The following PTPRT variants were observed in gnomAD, a reference collection of about 807,000 sequenced individuals.
The protein encoded by PTPRT is protein tyrosine phosphatase receptor type T.
Under a neutral mutation model 176.8 loss-of-function variants are expected in PTPRT, and 56 were observed. That is an observed-to-expected ratio of 0.32 (90% confidence interval 0.26 to 0.40). The LOEUF is 0.40. Ranked by LOEUF, PTPRT falls within the 10% of genes least tolerant of loss-of-function variation. The pLI is 1.00. For missense variants in PTPRT, 1,540 were observed against 1,908.2 expected (o/e 0.81, Z 3.60); for synonymous variants, 783 against 739.0 (o/e 1.06, Z -0.96).
intron 1 of PTPRT, among the ~76,000 whole-genome samples, chr20:42,965,073 A>G (rs536452768): frequency 6.6e-6 from 1 of 152,376 alleles, no homozygotes; most frequent in East Asian, 1.9e-4. Flanking sequence ...ATAAAAGTAA[A>G]TAAGTAAACT....
At chr20:42,840,526 C>T (rs1274445238) in intron 2 of PTPRT, among the ~76,000 whole-genome samples, 2 of 152,230 alleles carry the variant, frequency 1.3e-5, no homozygotes, top group East Asian at 3.9e-4. Flanking sequence ...AATTCTCCTG[C>T]GTCAGCCTCC....
intron 7 of PTPRT, among the ~76,000 whole-genome samples, chr20:42,539,903 A>C (rs1298417861): frequency 3.3e-5 from 5 of 151,916 alleles, no homozygotes; most frequent in African/African-American, 1.2e-4. Context: ...TGTGGGTATT[A>C]CAGAACCAAT....
intron 1 of PTPRT, among the ~76,000 whole-genome samples, chr20:43,129,284 G>GC: frequency 6.6e-6 from 1 of 152,264 alleles, no homozygotes; most frequent in Middle Eastern, 3.4e-3. Flanking sequence ...CAGGACCACC[G>GC]CCTGTGATCC....
chr20:42,928,829 C>G (rs972765830), intron 1 of PTPRT, among the ~76,000 whole-genome samples: 2 of 152,190 alleles, frequency 1.3e-5, no homozygotes, highest in African/African-American at 4.8e-5. Context: ...AACACAAAAA[C>G]CTGTCCCCAA....
chr20:42,528,634 G>A (rs942275597), intron 7 of PTPRT, among the ~76,000 whole-genome samples: 4 of 152,022 alleles, frequency 2.6e-5, no homozygotes, highest in African/African-American at 9.7e-5. Context: ...AATTCCAAGT[G>A]TCAGCCTCAG....
At chr20:42,731,180 C>T (rs2076454669) in intron 6 of PTPRT, among the ~76,000 whole-genome samples, 2 of 152,226 alleles carry the variant, frequency 1.3e-5, no homozygotes, top group Non-Finnish European at 2.9e-5. Flanking sequence ...CCAGATTCCT[C>T]TATGGTTCCA....
intron 1 of PTPRT, among the ~76,000 whole-genome samples, chr20:43,069,576 C>T (rs2011153788): frequency 6.6e-6 from 1 of 152,238 alleles, no homozygotes; most frequent in South Asian, 2.1e-4. Flanking sequence ...AAGAGGTAAG[C>T]ACCATGGAGG....
intron 7 of PTPRT, among the ~76,000 whole-genome samples, chr20:42,560,866 G>T (rs2072941017): frequency 6.6e-6 from 1 of 152,168 alleles, no homozygotes; most frequent in Non-Finnish European, 1.5e-5. Flanking sequence ...GGGCTTTAGT[G>T]AAACTCTCTC....
At chr20:42,839,111 A>C (rs538395193) in intron 2 of PTPRT, among the ~76,000 whole-genome samples, 50 of 152,208 alleles carry the variant, frequency 3.3e-4, no homozygotes, top group African/African-American at 1.2e-3. Context: ...GTTGGGCAGA[A>C]GAAGGGCACA....
At chr20:42,928,108 T>C (rs1318272848) in intron 1 of PTPRT, among the ~76,000 whole-genome samples, 5 of 152,210 alleles carry the variant, frequency 3.3e-5, no homozygotes, top group African/African-American at 4.8e-5. Flanking sequence ...AGCCTCTATC[T>C]GGATGATGAG....
chr20:42,033,037 T>C, the PTPRT span, among the ~76,000 whole-genome samples: 7 of 152,162 alleles, frequency 4.6e-5, no homozygotes, highest in Non-Finnish European at 8.8e-5. Flanking sequence ...TGCTCGCAGA[T>C]CCCTGACCCA....
At chr20:43,000,480 T>C (rs924261567) in intron 1 of PTPRT, among the ~76,000 whole-genome samples, 2 of 151,574 alleles carry the variant, frequency 1.3e-5, no homozygotes, top group African/African-American at 4.8e-5. Flanking sequence ...CTCAAAGAAA[T>C]TGAAAAAAAC....
At chr20:42,841,916 G>C (rs972945514) in intron 2 of PTPRT, among the ~76,000 whole-genome samples, 1 of 152,226 alleles carries the variant, frequency 6.6e-6, no homozygotes, top group East Asian at 1.9e-4. Context: ...CCTGTGACTT[G>C]TGCATTATAA....
At chr20:42,210,654 AC>A (rs2055600180) in intron 15 of PTPRT, among the ~76,000 whole-genome samples, 1 of 150,318 alleles carries the variant, frequency 6.7e-6, no homozygotes. Flanking sequence ...GAGGATACAA[AC>A]AAATGGAAGA....
intron 2 of PTPRT, among the ~76,000 whole-genome samples, chr20:42,853,586 C>T (rs2078512246): frequency 1.3e-5 from 2 of 152,172 alleles, no homozygotes; most frequent in South Asian, 2.1e-4. Flanking sequence ...AAATGAACTC[C>T]TCTGCCCTTT....
intron 12 of PTPRT, among the ~76,000 whole-genome samples, chr20:42,290,016 T>C (rs2057293415): frequency 1.3e-5 from 2 of 152,042 alleles, no homozygotes; most frequent in Admixed American, 6.6e-5. Flanking sequence ...ACCTTCTGAG[T>C]GACTAGATTG....
chr20:42,699,472 A>C (rs987544795), intron 6 of PTPRT, among the ~76,000 whole-genome samples: 5 of 144,810 alleles, frequency 3.5e-5, no homozygotes, highest in Non-Finnish European at 6.0e-5. Flanking sequence ...AATGTACATT[A>C]ACTTGTAAAA....
chr20:42,889,649 C>A (rs999877629), intron 1 of PTPRT, among the ~76,000 whole-genome samples: 8 of 152,212 alleles, frequency 5.3e-5, no homozygotes, highest in African/African-American at 1.4e-4. Flanking sequence ...CAGCAATACA[C>A]ACAGTTCATG....
chr20:42,565,163 C>T (rs1316072326), intron 7 of PTPRT, among the ~76,000 whole-genome samples: 1 of 152,122 alleles, frequency 6.6e-6, no homozygotes. Flanking sequence ...CTTCACATCT[C>T]AAAAGACACA....
Sources: allele counts gnomAD v4.1 joint callset (sites outside exome capture counted in the v4.1 genomes callset), GRCh38; gene constraint gnomAD v4.1.1; transcripts MANE v1.5; gene names NCBI Gene and HGNC (gene_info 2026-07-23, HGNC 2026-07-21).